The following ACAD10 variants were observed in gnomAD, a reference collection of about 807,000 sequenced individuals.
ACAD10 encodes the protein acyl-CoA dehydrogenase family member 10.
In ACAD10, 112 loss-of-function variants were observed where a neutral mutation model predicts 116.8. The ratio of observed to expected loss-of-function variants is 0.96; its 90% CI spans 0.82 to 1.12. ACAD10 has a LOEUF of 1.12. Ranked by LOEUF, ACAD10 falls within the 50% of genes most tolerant of loss-of-function variation. The probability of loss-of-function intolerance (pLI) is 0.00; values close to 1 mark genes in which losing one functional copy is unlikely to be tolerated. For missense variants in ACAD10, 1,259 were observed against 1,350.2 expected, an observed-to-expected ratio of 0.93 and a Z score of 1.06; for synonymous variants, 486 against 510.6, an observed-to-expected ratio of 0.95 and a Z score of 0.65.
chr12:111,739,244 A>G (rs929578983), intron 12 of ACAD10, among the ~76,000 whole-genome samples: 2 of 152,182 alleles, frequency 1.3e-5, no homozygotes, highest in Non-Finnish European at 2.9e-5. Flanking sequence ...TGCTTCCCTC[A>G]AAAGTTACAC....
At chr12:111,733,822 G>A (rs1285688645) in intron 10 of ACAD10, 101 bp from the exon 11 acceptor site, 2 of 1,457,666 alleles carry the variant, frequency 1.4e-6, no homozygotes, top group Non-Finnish European at 9.4e-7. Flanking sequence ...GAGGGGATGG[G>A]AGGGTGGGGA....
At chr12:111,749,138 G>A (rs746205716) in intron 17 of ACAD10, 35 bp from the exon 18 acceptor site, 6 of 1,613,528 alleles carry the variant, frequency 3.7e-6, no homozygotes, top group Non-Finnish European at 5.1e-6. Context: ...AAATGACTAT[G>A]GCTATTGCTC....
chr12:111,721,591 C>A, intron 7 of ACAD10, 80 bp from the exon 8 acceptor site: 6 of 1,357,588 alleles, frequency 4.4e-6, no homozygotes, highest in South Asian at 3.8e-5. Context: ...AACAAACAAA[C>A]AAAAAACAAA....
At chr12:111,715,771 G>C in intron 6 of ACAD10, 50 bp from the exon 7 acceptor site, 2 of 1,612,742 alleles carry the variant, frequency 1.2e-6, no homozygotes, top group Non-Finnish European at 1.7e-6. Flanking sequence ...TGTCTGCTCA[G>C]ATCTGTCCTC....
chr12:111,741,255 T>C (rs887759103), intron 12 of ACAD10, among the ~76,000 whole-genome samples: 1 of 152,226 alleles, frequency 6.6e-6, no homozygotes, highest in Non-Finnish European at 1.5e-5. Context: ...TTTATAGTTT[T>C]CCAATAAACA....
At chr12:111,735,613 G>A (rs1250354570) in intron 11 of ACAD10, among the ~76,000 whole-genome samples, 1 of 151,730 alleles carries the variant, frequency 6.6e-6, no homozygotes, top group African/African-American at 2.4e-5. Context: ...CCACCACCAC[G>A]CCCGGCTAAA....
intron 3 of ACAD10, among the ~76,000 whole-genome samples, 191 bp downstream of exon 3, chr12:111,702,501 G>A (rs1423529348): frequency 6.6e-6 from 1 of 151,950 alleles, no homozygotes; most frequent in Non-Finnish European, 1.5e-5. Context: ...GAGGCCCAGG[G>A]GGTGGATCAC....
At chr12:111,748,519 C>A in intron 17 of ACAD10, 44 bp downstream of exon 17, 1 of 1,605,294 alleles carries the variant, frequency 6.2e-7, no homozygotes, top group Non-Finnish European at 8.5e-7. Flanking sequence ...TGGGTCTGGT[C>A]CCCAGGAAAC....
intron 4 of ACAD10, 58 bp from the exon 5 acceptor site, chr12:111,709,468 T>C (rs1888606154): frequency 7.0e-7 from 1 of 1,427,006 alleles, no homozygotes; most frequent in South Asian, 1.6e-5. Flanking sequence ...TTTACCAGCA[T>C]GCATGTGGGA....
At chr12:111,735,149 G>A (rs541195806) in intron 11 of ACAD10, among the ~76,000 whole-genome samples, 4 of 151,706 alleles carry the variant, frequency 2.6e-5, no homozygotes, top group Admixed American at 1.3e-4. Context: ...GTGTGAACCC[G>A]GGAGGCGGAG....
chr12:111,755,834 C>G, intron 20 of ACAD10, 89 bp downstream of exon 20: 1 of 1,299,562 alleles, frequency 7.7e-7, no homozygotes, highest in Non-Finnish European at 1.1e-6. Context: ...CTCCCATAGA[C>G]CCTGGCAGAT....
At chr12:111,708,062 T>C (rs1888563918) in intron 4 of ACAD10, among the ~76,000 whole-genome samples, 1 of 152,186 alleles carries the variant, frequency 6.6e-6, no homozygotes, top group Non-Finnish European at 1.5e-5. Context: ...AGGCTTCCCC[T>C]CCATCTTCCT....
At chr12:111,747,207 C>A in intron 15 of ACAD10, 21 bp downstream of exon 15, 1 of 1,607,702 alleles carries the variant, frequency 6.2e-7, no homozygotes, top group South Asian at 1.1e-5. Context: ...TGGGCTGCCA[C>A]CCACTTGCCT....
At chr12:111,716,317 G>A in intron 7 of ACAD10, among the ~76,000 whole-genome samples, 1 of 151,846 alleles carries the variant, frequency 6.6e-6, no homozygotes, top group East Asian at 1.9e-4. Context: ...GCTACAGTGA[G>A]TTACTGTGGC....
intron 10 of ACAD10, among the ~76,000 whole-genome samples, 157 bp downstream of exon 10, chr12:111,730,113 G>T (rs906768074): frequency 6.6e-6 from 1 of 152,174 alleles, no homozygotes; most frequent in Non-Finnish European, 1.5e-5. Flanking sequence ...CTCAGCTCTG[G>T]CACTGTGACA....
intron 12 of ACAD10, among the ~76,000 whole-genome samples, chr12:111,743,286 G>A (rs1889797153): frequency 6.6e-6 from 1 of 151,908 alleles, no homozygotes. Flanking sequence ...CAGAAACAGA[G>A]ATCAGTGGGT....
intron 16 of ACAD10, among the ~76,000 whole-genome samples, chr12:111,747,885 C>A (rs868313361): frequency 1.3e-5 from 2 of 152,108 alleles, no homozygotes; most frequent in African/African-American, 2.4e-5. Flanking sequence ...AGGAGGAAAC[C>A]GCACTCAGAC....
At chr12:111,734,246 G>A (rs1889485614) in intron 11 of ACAD10, among the ~76,000 whole-genome samples, 178 bp downstream of exon 11, 1 of 152,184 alleles carries the variant, frequency 6.6e-6, no homozygotes, top group South Asian at 2.1e-4. Flanking sequence ...AGTGGATATA[G>A]GATGTGTTTT....
At chr12:111,724,482 A>G (rs1433252298) in intron 8 of ACAD10, among the ~76,000 whole-genome samples, 3 of 152,184 alleles carry the variant, frequency 2.0e-5, no homozygotes, top group African/African-American at 4.8e-5. Context: ...GTAGCGAGCC[A>G]AGATCACGCC....
Sources: gnomAD v4.1 joint callset for allele counts (sites outside exome capture counted in the v4.1 genomes callset) on GRCh38, gnomAD v4.1.1 for gene constraint, MANE v1.5 for transcripts, NCBI Gene and HGNC (gene_info 2026-07-23, HGNC 2026-07-21) for gene names.